Variants in THPO observed in about 807,000 individuals in gnomAD.
THPO encodes MPL ligand.
THPO carries 12 observed loss-of-function variants against 17.0 expected under a neutral mutation model. That is an observed-to-expected ratio of 0.71 (90% confidence interval 0.45 to 1.14). The LOEUF is 1.14. Among genes scored for constraint, THPO ranks in the 50% most tolerant of loss-of-function variants. The pLI, the probability that THPO is intolerant of heterozygous loss-of-function variation, is 0.00. For synonymous variants in THPO, 188 were observed against 183.0 expected, an observed-to-expected ratio of 1.03 and a Z score of -0.22; for missense variants, 365 against 427.5, an observed-to-expected ratio of 0.85 and a Z score of 1.29.
At chr3:184,378,317 C>T (rs1560288346), upstream of THPO, 17 of 985,420 alleles carry the variant, frequency 1.7e-5, no homozygotes, top group South Asian at 6.6e-4. Context: ...CACCCACACA[C>T]ACCACGGAGA....
chr3:184,375,160 C>T (rs924019786), intron 4 of THPO, among the ~76,000 whole-genome samples: 8 of 152,126 alleles, frequency 5.3e-5, no homozygotes, highest in African/African-American at 1.7e-4. Flanking sequence ...TTGATTCAGT[C>T]TTTTGTTATT....
intron 1 of THPO, among the ~76,000 whole-genome samples, chr3:184,376,817 C>T (rs1458296193): frequency 6.7e-6 from 1 of 149,640 alleles, no homozygotes; most frequent in Non-Finnish European, 1.5e-5. Context: ...TGCACTCCAG[C>T]CTGGGCAATA....
In THPO at chr3:184,372,822, G is replaced by T. The variant is rs140658452; in HGVS notation, c.753C>A (p.His251Gln). The T allele has an allele frequency of 1.4e-5, 22 of 1,614,008 alleles. No individual in the cohort carries two copies. Among genetic ancestry groups the T allele is most frequent in the Non-Finnish European group, 1.9e-5 (22 of 1,180,034 alleles). ...GTCCACGAGTTCCATTCAAGAGTTC[G>T]TGTATCCTGTTCAGGTATCCGGGGA... ...DQIPGYLNRI[H>Q]ELLNGTRGLF... Residue 251 changes from histidine to glutamine, a missense_variant, in exon 6 of 6, where the codon CAC (histidine) becomes CAA (glutamine). Transcript: ENST00000647395.
At chr3:184,376,875 A>AAAGG (rs1714461166) in intron 1 of THPO, among the ~76,000 whole-genome samples, 1 of 151,846 alleles carries the variant, frequency 6.6e-6, no homozygotes, top group Non-Finnish European at 1.5e-5. Flanking sequence ...AGAAAGAAAG[A>AAAGG]AAGAAAGCAA....
chr3:184,376,854 AAAAGAAAG>A lies in THPO; in HGVS notation c.-145-458_-145-451del, dbSNP rs749356268. On this transcript the variant is annotated intron_variant, in intron 1 of 5. Transcript: ENST00000647395. ...GAGTGAAACTCCGTCTCAAAAAAAAAAAAGAAAGAAAGAAAGAAAGAAAGAAAGCAAGA... is the reference window on the plus strand; with the variant it reads ...GAGTGAAACTCCGTCTCAAAAAAAAAAAAGAAAGAAAGAAAGAAAGCAAGA... 7.9e-4 allele frequency among the ~76,000 whole-genome samples: 119 copies of A among 150,656 alleles called. 1 individual carries two copies. Among genetic ancestry groups the A allele is most frequent in the African/African-American group, 2.0e-3 (83 of 40,666 alleles).
Position 184,373,530 on chromosome 3 carries a change from C to T in THPO, c.281G>A (p.Gly94Glu), listed in dbSNP as rs376708508. ...CAGTTGTCCCCGTGCTGCCATCACT[C>T]CCTCCAGCAGAAGGGTCACTGCTCC... ...ILGAVTLLLE[G>E]VMAARGQLGP... Residue 94 changes from glycine (G) to glutamate (E), a missense_variant, in exon 5 of 6, where the codon GGA (glycine) becomes GAA (glutamate). Physicochemically the swap from Gly to Glu is moderately conservative, Grantham distance 98. Transcript: ENST00000647395. 6.2e-7 allele frequency: 1 copy of T among 1,614,020 alleles called. No homozygotes were observed. The highest frequency in any genetic ancestry group is 8.5e-7 in the Non-Finnish European group (1 of 1,180,040).
Position 184,374,620 on chromosome 3 carries a change from G to A in THPO, c.228+895C>T, listed in dbSNP as rs143779355. 6.6e-5 allele frequency among the ~76,000 whole-genome samples: 10 copies of A among 152,270 alleles called. No homozygotes were observed. The East Asian group carries it at 1.9e-3, about 29-fold the overall frequency. On this transcript the variant is annotated intron_variant, in intron 4 of 5. Coordinates refer to ENST00000647395, the MANE Select transcript of THPO (RefSeq NM_000460.4). ...AACATCAAACAGACAAGAATTACTA[G>A]CTTTAAGAATAGCAGCTTCAGTAAT...
upstream of THPO, among the ~76,000 whole-genome samples, chr3:184,379,116 C>G (rs146114351): frequency 6.6e-6 from 1 of 152,176 alleles, no homozygotes; most frequent in Non-Finnish European, 1.5e-5. Flanking sequence ...TTCCTCCTCC[C>G]CAAGGATGGG....
chr3:184,374,835 C>T (rs1287874137), intron 4 of THPO, among the ~76,000 whole-genome samples: 1 of 152,140 alleles, frequency 6.6e-6, no homozygotes, highest in Non-Finnish European at 1.5e-5. Context: ...GTCACCCAGG[C>T]TGGAGTGCAT....
chr3:184,377,409 G>A (rs984469552), intron 1 of THPO, among the ~76,000 whole-genome samples: 3 of 152,286 alleles, frequency 2.0e-5, no homozygotes, highest in South Asian at 4.1e-4. Flanking sequence ...GCCCAGGAAC[G>A]GGCACCTGCT....
In THPO at chr3:184,372,662, T is replaced by C; in HGVS notation, c.913A>G (p.Thr305Ala). The C allele has an allele frequency of 6.2e-7, 1 of 1,612,822 alleles. No individual in the cohort carries two copies. Among genetic ancestry groups the C allele is most frequent in the Non-Finnish European group, 8.5e-7 (1 of 1,179,156 alleles). ...AAGGTGGGTGGAAGAGGGAAGAGCG[T>C]ATACTGTCCAGTAGGAGGATGGGTT... is the stretch of plus-strand genomic sequence containing the variant. ...SPTHPPTGQY[T>A]LFPLPPTLPT... The change falls in exon 6 of 6, where the codon ACG becomes GCG. Residue 305 changes from threonine to alanine, a missense_variant. Thr to Ala is a moderately conservative substitution (Grantham distance 58). Transcript: ENST00000647395.
chr3:184,375,682 A>C (rs980610951), intron 3 of THPO, 81 bp from the exon 4 acceptor site: 2 of 1,479,384 alleles, frequency 1.4e-6, no homozygotes, highest in Non-Finnish European at 9.4e-7. Context: ...CTAGTCCTCC[A>C]TGAGTACTAT....
At chr3:184,377,872 A>G (rs977413017) in intron 1 of THPO, among the ~76,000 whole-genome samples, 2 of 152,104 alleles carry the variant, frequency 1.3e-5, no homozygotes, top group Non-Finnish European at 2.9e-5. Flanking sequence ...CCACCAAGTA[A>G]GTGATCAGTC....
chr3:184,376,507 G>A, intron 1 of THPO, 103 bp from the exon 2 acceptor site: 1 of 1,256,610 alleles, frequency 8.0e-7, no homozygotes, highest in Non-Finnish European at 1.1e-6. Flanking sequence ...TGACCAGCCT[G>A]GAACTGCCAA....
rs1560287934 is a variant in THPO, at chr3:184,378,076, G to A, written c.-147C>T. On this transcript the variant is annotated splice_region_variant and 5_prime_UTR_variant, in exon 1 of 6. Transcript: ENST00000647395. ...CCCCACACCCTGCTGGCCACTCACCGGGTGGAGAAGGGCTCCAGGACCCAA... is the reference window on the plus strand; with the variant it reads ...CCCCACACCCTGCTGGCCACTCACCAGGTGGAGAAGGGCTCCAGGACCCAA... 26 of 985,540 alleles carry A rather than the reference G, an allele frequency of 2.6e-5. No individual in the cohort carries two copies. Among genetic ancestry groups the A allele is most frequent in the Non-Finnish European group, 3.1e-5 (26 of 830,050 alleles). 61.0% of individuals were successfully genotyped at this position (985,540 alleles called of 1,614,324 possible).
Position 184,372,908 on chromosome 3 carries a change from G to T in THPO, c.667C>A (p.Gln223Lys). 6.2e-7 allele frequency: 1 copy of T among 1,613,988 alleles called. No individual in the cohort carries two copies. The highest frequency in any genetic ancestry group is 2.2e-5 in the East Asian group (1 of 44,880). ...TTGSGLLKWQ[Q>K]GFRAKIPGLL... ...CCAGGAATCTTGGCTCTGAATCCCT[G>T]CTGCCACTTCAGAAGCCCAGAGCCA... Residue 223 changes from glutamine to lysine, a missense_variant, in exon 6 of 6, where the codon CAG becomes AAG. Coordinates refer to ENST00000647395, the MANE Select transcript of THPO (RefSeq NM_000460.4).
chr3:184,375,846 A>G (rs757666386), intron 3 of THPO, 42 bp downstream of exon 3: 3 of 1,611,836 alleles, frequency 1.9e-6, no homozygotes, highest in South Asian at 1.1e-5. Flanking sequence ...TGGGTGTCTT[A>G]CCAGTTACGC....
Position 184,373,022 on chromosome 3 carries a change from T to C in THPO, c.553A>G (p.Arg185Gly). The C allele has an allele frequency of 6.2e-7, 1 of 1,614,144 alleles. No homozygotes were observed. Among genetic ancestry groups the C allele is most frequent in the African/African-American group, 1.3e-5 (1 of 75,048 alleles). Residue 185 changes from arginine to glycine, a missense_variant, in exon 6 of 6, where the codon AGA becomes GGA. Transcript: ENST00000647395. Reference sequence around the variant, plus strand: ...TTCAGTGTGAGGACTAGAGAGGTTCTGCTGGGGACAGCTGTGGTGGGTGGG... The same window carrying C: ...TTCAGTGTGAGGACTAGAGAGGTTCCGCTGGGGACAGCTGTGGTGGGTGGG... ...RAPPTTAVPS[R>G]TSLVLTLNEL... is the part of the protein sequence containing the mutation.
At chr3:184,377,521 C>T (rs1714520582) in intron 1 of THPO, among the ~76,000 whole-genome samples, 2 of 152,206 alleles carry the variant, frequency 1.3e-5, no homozygotes, top group African/African-American at 4.8e-5. Flanking sequence ...AGAACCCCTT[C>T]CGGTTCCTTC....
Sources: allele counts gnomAD v4.1 joint callset (sites outside exome capture counted in the v4.1 genomes callset), GRCh38; gene constraint gnomAD v4.1.1; transcripts MANE v1.5; gene names NCBI Gene and HGNC (gene_info 2026-07-23, HGNC 2026-07-21).